KCNK1: variants seen among roughly 807,000 people sequenced by gnomAD.
The protein encoded by KCNK1 is potassium channel subfamily K member 1.
A neutral mutation model predicts 22.2 loss-of-function variants in KCNK1; 10 were observed. The ratio of observed to expected loss-of-function variants is 0.45; its 90% CI spans 0.28 to 0.76. The LOEUF (loss-of-function observed/expected upper bound fraction) is 0.76, where lower values mean the gene tolerates loss of function less well. Among genes scored for constraint, KCNK1 ranks in the 30% least tolerant of loss-of-function variants. The probability of loss-of-function intolerance (pLI) is 0.14; values close to 1 mark genes in which losing one functional copy is unlikely to be tolerated. For missense variants in KCNK1, 378 were observed against 421.0 expected (o/e 0.90, Z 0.89); for synonymous variants, 200 against 186.4 (o/e 1.07, Z -0.60).
At chr1:233,659,770 T>A (rs984017747) in intron 1 of KCNK1, among the ~76,000 whole-genome samples, 1 of 152,152 alleles carries the variant, frequency 6.6e-6, no homozygotes, top group Non-Finnish European at 1.5e-5. Context: ...TGGCCCATTA[T>A]TGACTGAAAC....
intron 1 of KCNK1, among the ~76,000 whole-genome samples, chr1:233,645,587 T>C (rs1658079586): frequency 6.6e-6 from 1 of 152,144 alleles, no homozygotes; most frequent in African/African-American, 2.4e-5. Context: ...AGGGACTGCT[T>C]CGAGGCACTG....
Position 233,662,241 on chromosome 1 carries a change from T to TCTC in KCNK1, c.356-4352_356-4351insCCT, listed in dbSNP as rs1358674734. Among the ~76,000 whole-genome samples the TCTC allele has an allele frequency of 1.5e-4, 4 of 27,374 alleles. No individual in the cohort carries two copies. The East Asian group carries it at 2.8e-3, about 19-fold the overall frequency. The allele number at this position is 27,374 out of a possible 152,430, so 18.0% of individuals were successfully genotyped here. ...TGCTGCTGCTTCTTCTTCTTCTCCT[T>TCTC]CTTCTTCTTCTTCTTCTTCTTCTTC... On this transcript the variant is annotated intron_variant, in intron 1 of 2. Coordinates refer to ENST00000366621, the MANE Select transcript of KCNK1 (RefSeq NM_002245.4).
In KCNK1 at chr1:233,644,651, C is replaced by G. The variant is rs145085370; in HGVS notation, c.356-21944C>G. 2.1e-4 allele frequency among the ~76,000 whole-genome samples: 32 copies of G among 150,368 alleles called. No homozygotes were observed. In the East Asian group the frequency reaches 4.3e-3, roughly 20 times the overall value. On this transcript the variant is annotated intron_variant, in intron 1 of 2. Transcript: ENST00000366621. ...AAGAGAAGGTGCCAGTCATGTAAGA[C>G]TGAGTGCAGAAGGCATCAAACCAGG...
chr1:233,662,415 C>T (rs1210742348), intron 1 of KCNK1, among the ~76,000 whole-genome samples: 1 of 152,116 alleles, frequency 6.6e-6, no homozygotes, highest in Non-Finnish European at 1.5e-5. Flanking sequence ...AACGTGGGGC[C>T]ATTGTAAGCT....
At chr1:233,635,683 C>T (rs1571894358) in intron 1 of KCNK1, among the ~76,000 whole-genome samples, 1 of 152,010 alleles carries the variant, frequency 6.6e-6, no homozygotes, top group African/African-American at 2.4e-5. Flanking sequence ...CATACTTGGG[C>T]AAAATATTTT....
intron 1 of KCNK1, among the ~76,000 whole-genome samples, chr1:233,664,858 T>C (rs566865218): frequency 6.6e-6 from 1 of 152,232 alleles, no homozygotes; most frequent in African/African-American, 2.4e-5. Context: ...TTTTCAATTA[T>C]AATCACCTGT....
chr1:233,615,072 A>C (rs1657464158), intron 1 of KCNK1, among the ~76,000 whole-genome samples: 1 of 152,216 alleles, frequency 6.6e-6, no homozygotes, highest in South Asian at 2.1e-4. Flanking sequence ...ATGCACAGAT[A>C]TTCCAGCTCT....
chr1:233,659,934 T>A (rs1183439808), intron 1 of KCNK1, among the ~76,000 whole-genome samples: 1 of 152,078 alleles, frequency 6.6e-6, no homozygotes, highest in East Asian at 1.9e-4. Flanking sequence ...GGCAAGGGGC[T>A]GGTTCTCACC....
chr1:233,651,672 T>A (rs1372448292), intron 1 of KCNK1, among the ~76,000 whole-genome samples: 1 of 152,222 alleles, frequency 6.6e-6, no homozygotes, highest in African/African-American at 2.4e-5. Context: ...GGTTTCTAAC[T>A]CTCTCTTCGA....
intron 1 of KCNK1, among the ~76,000 whole-genome samples, chr1:233,616,127 G>A (rs548050148): frequency 3.8e-4 from 58 of 152,164 alleles, no homozygotes; most frequent in African/African-American, 1.3e-3. Flanking sequence ...GAGTATATTT[G>A]TGCTATATTG....
rs145650182 is a variant in KCNK1, at chr1:233,645,245, C to T, written c.356-21350C>T. Reference sequence around the variant, plus strand: ...TCATTTTTATTGTTAAAAGATAAGCCTATAGTGTTGTAATGGGTTTAATGG... The same window carrying T: ...TCATTTTTATTGTTAAAAGATAAGCTTATAGTGTTGTAATGGGTTTAATGG... On this transcript the variant is annotated intron_variant, in intron 1 of 2. Coordinates refer to ENST00000366621, the MANE Select transcript of KCNK1 (RefSeq NM_002245.4). 4.7e-4 allele frequency among the ~76,000 whole-genome samples: 71 copies of T among 151,896 alleles called. 1 individual carries two copies. Among genetic ancestry groups the T allele is most frequent in the African/African-American group, 1.6e-3 (68 of 41,414 alleles).
At chr1:233,633,837 A>C (rs1371211818) in intron 1 of KCNK1, among the ~76,000 whole-genome samples, 1 of 152,176 alleles carries the variant, frequency 6.6e-6, no homozygotes, top group Non-Finnish European at 1.5e-5. Flanking sequence ...GTTAGGGGAA[A>C]ACCCTAACAT....
Position 233,614,152 on chromosome 1 carries a change from T to TGGCTTTGGCTTC in KCNK1, c.-17_-16insTTTGGCTTCGGC. 2 of 1,569,358 alleles carry TGGCTTTGGCTTC rather than the reference T, an allele frequency of 1.3e-6. No individual in the cohort carries two copies. Among genetic ancestry groups the TGGCTTTGGCTTC allele is most frequent in the Non-Finnish European group, 1.7e-6 (2 of 1,163,132 alleles). On this transcript the variant is annotated 5_prime_UTR_variant, in exon 1 of 3. Transcript: ENST00000366621. ...TCCGGCCGGTCTGCGGCGTTGGCCT[T>TGGCTTTGGCTTC]GGCGGCGGCGGTGGAGAAGATGCTG... is the stretch of plus-strand genomic sequence containing the variant.
intron 1 of KCNK1, among the ~76,000 whole-genome samples, chr1:233,627,551 C>T (rs543195453): frequency 2.4e-4 from 36 of 148,962 alleles, no homozygotes; most frequent in Admixed American, 2.0e-3. Flanking sequence ...TGCTCTGACA[C>T]GAGCCATCTC....
At chr1:233,657,490 T>C (rs1317374559) in intron 1 of KCNK1, among the ~76,000 whole-genome samples, 2 of 152,218 alleles carry the variant, frequency 1.3e-5, no homozygotes, top group South Asian at 2.1e-4. Flanking sequence ...GATGGTACCG[T>C]TGAACAAGCC....
chr1:233,620,796 A>G (rs1657572885), intron 1 of KCNK1, among the ~76,000 whole-genome samples: 1 of 151,408 alleles, frequency 6.6e-6, no homozygotes, highest in South Asian at 2.1e-4. Context: ...CTATGGGGAA[A>G]TAGACATGGC....
At chr1:233,623,886 T>A (rs1657636182) in intron 1 of KCNK1, among the ~76,000 whole-genome samples, 1 of 152,094 alleles carries the variant, frequency 6.6e-6, no homozygotes, top group Non-Finnish European at 1.5e-5. Context: ...CCACCGCACC[T>A]TGCCAAAAAA....
intron 1 of KCNK1, 67 bp downstream of exon 1, chr1:233,614,593 C>T (rs1236224735): frequency 2.3e-6 from 3 of 1,309,410 alleles, no homozygotes; most frequent in Admixed American, 2.4e-5. Context: ...ACCCCGGCCC[C>T]GGCGCCCCGG....
intron 2 of KCNK1, among the ~76,000 whole-genome samples, chr1:233,670,006 C>T (rs141626002): frequency 6.6e-6 from 1 of 152,268 alleles, no homozygotes; most frequent in Admixed American, 6.5e-5. Flanking sequence ...TTTAGCTTCC[C>T]TACTTCATAC....
Sources: allele counts gnomAD v4.1 joint callset (sites outside exome capture counted in the v4.1 genomes callset), GRCh38; gene constraint gnomAD v4.1.1; transcripts MANE v1.5; gene names NCBI Gene and HGNC (gene_info 2026-07-23, HGNC 2026-07-21).